INPP5D: variants seen among roughly 807,000 people sequenced by gnomAD.
INPP5D encodes the protein phosphatidylinositol 3,4,5-trisphosphate 5-phosphatase 1.
A neutral mutation model predicts 122.9 loss-of-function variants in INPP5D; 33 were observed. That is an observed-to-expected ratio of 0.27 (90% CI 0.20 to 0.36). The LOEUF (loss-of-function observed/expected upper bound fraction) is 0.36, where lower values mean the gene tolerates loss of function less well. Ranked by LOEUF, INPP5D falls within the 10% of genes least tolerant of loss-of-function variation. The pLI is 1.00. For missense variants in INPP5D, 1,053 were observed against 1,412.7 expected (o/e 0.75, Z 4.08); for synonymous variants, 584 against 576.2 (o/e 1.01, Z -0.19).
chr2:233,148,245 G>C (rs1351615623), intron 9 of INPP5D, among the ~76,000 whole-genome samples: 1 of 152,034 alleles, frequency 6.6e-6, no homozygotes, highest in East Asian at 1.9e-4. Flanking sequence ...GGTGCATTGA[G>C]TAGCCGATAG....
At chr2:233,194,745 G>T (rs1424852710) in intron 23 of INPP5D, among the ~76,000 whole-genome samples, 1 of 151,944 alleles carries the variant, frequency 6.6e-6, no homozygotes. Context: ...TGATCCACCT[G>T]TCTCCGCCTC....
At chr2:233,068,527 G>A (rs1441302479) in intron 1 of INPP5D, among the ~76,000 whole-genome samples, 1 of 151,376 alleles carries the variant, frequency 6.6e-6, no homozygotes, top group Admixed American at 6.6e-5. Flanking sequence ...CCCAGGAGGT[G>A]GAGGTTGCAG....
intron 22 of INPP5D, among the ~76,000 whole-genome samples, chr2:233,192,951 G>A (rs1695090729): frequency 6.6e-6 from 1 of 152,182 alleles, no homozygotes; most frequent in African/African-American, 2.4e-5. Context: ...GCAGTGGCAC[G>A]ATCTTGGCTC....
At position 233,164,030 on chromosome 2, in the gene INPP5D, C is replaced by A; in HGVS notation, c.1437+127C>A. The A allele has an allele frequency of 1.4e-6, 2 of 1,439,454 alleles. No homozygotes were observed. The highest frequency in any genetic ancestry group is 1.8e-6 in the Non-Finnish European group (2 of 1,091,292). The allele number at this position is 1,439,454 out of a possible 1,614,324, so 89.2% of individuals were successfully genotyped here. On this transcript the variant is annotated intron_variant, in intron 12 of 26. Coordinates refer to ENST00000445964, the MANE Select transcript of INPP5D (RefSeq NM_001017915.3). The surrounding 1 kb of genome is among the most constrained non-coding windows in gnomAD (Gnocchi z 4.3). Reference sequence around the variant, plus strand: ...TTTCAAGGATGTCTGGAGGCCCCCACTGAGAGATGCGTCTGTATTCAGAAA... The same window carrying A: ...TTTCAAGGATGTCTGGAGGCCCCCAATGAGAGATGCGTCTGTATTCAGAAA...
At chr2:233,191,421 C>G (rs938605771) in intron 22 of INPP5D, among the ~76,000 whole-genome samples, 1 of 152,226 alleles carries the variant, frequency 6.6e-6, no homozygotes, top group Non-Finnish European at 1.5e-5. Flanking sequence ...GGTGGGGACA[C>G]AGCCAAACCA....
At chr2:233,167,451 A>G (rs1204950139) in intron 13 of INPP5D, among the ~76,000 whole-genome samples, 4 of 152,180 alleles carry the variant, frequency 2.6e-5, no homozygotes, top group Admixed American at 6.5e-5. Context: ...TATGGAGATG[A>G]TCCATAACTT....
rs1185728652 is a variant in INPP5D at position 233,105,894 on chromosome 2, A to G, written c.199-16213A>G. ...AGAGGCCCGAAGGCCTGCACAGGGG[A>G]TGAGATGAAGGGACAGTGGCCACTG... On this transcript the variant is annotated intron_variant, in intron 2 of 26. Coordinates refer to ENST00000445964, the MANE Select transcript of INPP5D (RefSeq NM_001017915.3). This position sits in a 1 kb window ranked among gnomAD's most constrained non-coding sequence, Gnocchi z 4.0. 6.6e-6 allele frequency among the ~76,000 whole-genome samples: 1 copy of G among 152,054 alleles called. No homozygotes were observed. Among genetic ancestry groups the G allele is most frequent in the African/African-American group, 2.4e-5 (1 of 41,398 alleles).
Position 233,206,679 on chromosome 2 carries a change from G to C in INPP5D, c.3568-27G>C. 3 of 771,614 alleles carry C rather than the reference G, an allele frequency of 3.9e-6. No individual in the cohort carries two copies. The highest frequency in any genetic ancestry group is 7.2e-6 in the Non-Finnish European group (3 of 413,964). The allele number at this position is 771,614 out of a possible 1,614,324, so 47.8% of individuals were successfully genotyped here. On this transcript the variant is annotated intron_variant, in intron 26 of 26. Coordinates refer to ENST00000445964, the MANE Select transcript of INPP5D (RefSeq NM_001017915.3). The surrounding 1 kb of genome is among the most constrained non-coding windows in gnomAD (Gnocchi z 4.0). ...ACATGGCCTGGTGAGAATGAGCCCT[G>C]ACAGCCCTTCTGTTCTTGTCCCACA...
chr2:233,105,205 C>G lies in INPP5D; in HGVS notation c.199-16902C>G, dbSNP rs948928561. Reference sequence around the variant, plus strand: ...GAGCCCCCAGAAGTGGGGATGGGAGCAGGGGGGCGGTCAGTGGGTCCCAGG... The same window carrying G: ...GAGCCCCCAGAAGTGGGGATGGGAGGAGGGGGGCGGTCAGTGGGTCCCAGG... On this transcript the variant is annotated intron_variant, in intron 2 of 26. Coordinates refer to ENST00000445964, the MANE Select transcript of INPP5D (RefSeq NM_001017915.3). This position sits in a 1 kb window ranked among gnomAD's most constrained non-coding sequence, Gnocchi z 4.0. 4.6e-5 allele frequency among the ~76,000 whole-genome samples: 7 copies of G among 152,176 alleles called. No homozygotes were observed. Among genetic ancestry groups the G allele is most frequent in the African/African-American group, 1.7e-4 (7 of 41,444 alleles).
intron 18 of INPP5D, among the ~76,000 whole-genome samples, chr2:233,178,809 C>T (rs780043299): frequency 4.6e-5 from 7 of 152,094 alleles, no homozygotes; most frequent in Non-Finnish European, 8.8e-5. Flanking sequence ...TAAAACACTG[C>T]GAATTCCCAC....
intron 1 of INPP5D, among the ~76,000 whole-genome samples, chr2:233,070,567 G>A (rs1042780264): frequency 2.6e-4 from 40 of 151,858 alleles, no homozygotes; most frequent in African/African-American, 4.8e-4. Context: ...TCAGTCTCCC[G>A]AGTAGCTGGG....
chr2:233,110,920 G>A (rs548257763), intron 2 of INPP5D, among the ~76,000 whole-genome samples: 8 of 144,440 alleles, frequency 5.5e-5, no homozygotes, highest in Admixed American at 2.7e-4. Flanking sequence ...GCGAGACTCC[G>A]TCTCTTAAAA....
At chr2:233,169,919 C>T in intron 14 of INPP5D, 107 bp from the exon 15 acceptor site, 1 of 1,567,642 alleles carries the variant, frequency 6.4e-7, no homozygotes, top group Non-Finnish European at 8.7e-7. Flanking sequence ...CACTTCCCCC[C>T]ACCTGCTATG....
chr2:233,074,376 C>T (rs1289702991), intron 1 of INPP5D, among the ~76,000 whole-genome samples: 2 of 152,194 alleles, frequency 1.3e-5, no homozygotes, highest in Admixed American at 1.3e-4. Context: ...AGCCAGCTCC[C>T]AATAATACTC....
Position 233,137,985 on chromosome 2 carries a change from GTATTAATAATGTAATGAGATTATATTA to G in INPP5D, c.666-1837_666-1811del, listed in dbSNP as rs138096706. On this transcript the variant is annotated intron_variant, in intron 5 of 26. Coordinates refer to ENST00000445964, the MANE Select transcript of INPP5D (RefSeq NM_001017915.3). ...TATTATAATATAATGAGATTATATT[GTATTAATAATGTAATGAGATTATATTA>G]TATTAATAATGTAATGAGAAAAAAA... Among the ~76,000 whole-genome samples the G allele has an allele frequency of 2.7e-3, 300 of 111,182 alleles. 2 individuals carry two copies. Among genetic ancestry groups the G allele is most frequent in the African/African-American group, 9.0e-3 (283 of 31,320 alleles). The allele number at this position is 111,182 out of a possible 152,430, so 72.9% of individuals were successfully genotyped here.
At chr2:233,063,188 C>A (rs537824043) in intron 1 of INPP5D, among the ~76,000 whole-genome samples, 1 of 152,332 alleles carries the variant, frequency 6.6e-6, no homozygotes, top group African/African-American at 2.4e-5. Context: ...CCCCCTAGCC[C>A]TGGAAGCCTG....
chr2:233,112,018 C>T (rs535411714), intron 2 of INPP5D, among the ~76,000 whole-genome samples: 38 of 149,068 alleles, frequency 2.5e-4, no homozygotes, highest in African/African-American at 8.7e-4. Flanking sequence ...GAGCTGTGAT[C>T]ATGCCACTGC....
chr2:233,146,534 A>T, intron 8 of INPP5D, 96 bp downstream of exon 8: 3 of 696,816 alleles, frequency 4.3e-6, no homozygotes, highest in Non-Finnish European at 7.9e-6. Flanking sequence ...TTGGGGCTTT[A>T]GCTGGGGAAG....
intron 5 of INPP5D, chr2:233,134,129 G>T: frequency 2.4e-6 from 1 of 417,544 alleles, no homozygotes; most frequent in Non-Finnish European, 4.9e-6. Flanking sequence ...GCTGATGCCA[G>T]TTCCTGGGAT....
Sources: gnomAD v4.1 joint callset for allele counts (sites outside exome capture counted in the v4.1 genomes callset) on GRCh38, gnomAD v4.1.1 for gene constraint, Gnocchi (gnomAD v3.1) non-coding constraint, MANE v1.5 for transcripts, NCBI Gene and HGNC (gene_info 2026-07-23, HGNC 2026-07-21) for gene names.